Variants in CSMD3 observed in about 807,000 individuals in gnomAD.
CSMD3 encodes CUB and sushi domain-containing protein 3.
In CSMD3, 177 loss-of-function variants were observed where a neutral mutation model predicts 435.2. The ratio of observed to expected loss-of-function variants is 0.41; its 90% CI spans 0.36 to 0.46. CSMD3 has a LOEUF of 0.46. CSMD3 is among the 20% of genes least tolerant of loss of function. The pLI, the probability that CSMD3 is intolerant of heterozygous loss-of-function variation, is 0.34. For missense variants in CSMD3, 4,265 were observed against 4,504.6 expected (o/e 0.95, Z 1.52); for synonymous variants, 1,656 against 1,520.5 (o/e 1.09, Z -2.07).
At chr8:112,420,549 T>C (rs1299591590) in intron 32 of CSMD3, among the ~76,000 whole-genome samples, 1 of 152,168 alleles carries the variant, frequency 6.6e-6, no homozygotes, top group Non-Finnish European at 1.5e-5. Flanking sequence ...ATTGATGTGT[T>C]GCTAATGTTA....
At chr8:113,139,764 C>T (rs749226907) in intron 4 of CSMD3, among the ~76,000 whole-genome samples, 44 of 151,156 alleles carry the variant, frequency 2.9e-4, no homozygotes, top group Middle Eastern at 6.8e-3. Context: ...AAGAGATTGG[C>T]AAAGTTGATT....
chr8:112,499,014 G>C (rs1704038147), intron 30 of CSMD3, among the ~76,000 whole-genome samples: 1 of 152,138 alleles, frequency 6.6e-6, no homozygotes, highest in Non-Finnish European at 1.5e-5. Flanking sequence ...TGAATGAACA[G>C]ATAAAGGCTT....
intron 13 of CSMD3, among the ~76,000 whole-genome samples, chr8:112,762,015 A>C (rs569026755): frequency 6.6e-6 from 1 of 152,118 alleles, no homozygotes; most frequent in East Asian, 1.9e-4. Context: ...AAAAGTTGTT[A>C]TTATGAACCT....
intron 1 of CSMD3, among the ~76,000 whole-genome samples, chr8:113,406,597 T>C (rs1425552789): frequency 1.3e-5 from 2 of 152,024 alleles, no homozygotes; most frequent in African/African-American, 2.4e-5. Context: ...ATTTCATATG[T>C]GTGTATGTGC....
At chr8:113,313,223 C>T (rs1399160740) in intron 2 of CSMD3, 1 of 152,198 alleles carries the variant, frequency 6.6e-6, no homozygotes, top group African/African-American at 2.4e-5. Flanking sequence ...ACAAACCTAA[C>T]ATCCTAATGT....
At chr8:112,695,023 T>A (rs2076221866) in intron 13 of CSMD3, among the ~76,000 whole-genome samples, 2 of 151,822 alleles carry the variant, frequency 1.3e-5, no homozygotes, top group Non-Finnish European at 2.9e-5. Context: ...GCACAAGGGG[T>A]CAGGGATTTT....
At position 113,187,187 on chromosome 8, in the gene CSMD3, G is replaced by A. The variant is rs888903442; in HGVS notation, c.515-13271C>T. Among the ~76,000 whole-genome samples the A allele has an allele frequency of 2.0e-5, 3 of 149,298 alleles. No individual in the cohort carries two copies. The South Asian group carries it at 6.3e-4, about 31-fold the overall frequency. On this transcript the variant is annotated intron_variant, in intron 3 of 70. Transcript: ENST00000297405. ...TCTTCTTCTTTTCCTTTTTCACCCAGTAAATTCCATTCCCCTCACCTTTCA... is the reference window on the plus strand; with the variant it reads ...TCTTCTTCTTTTCCTTTTTCACCCAATAAATTCCATTCCCCTCACCTTTCA...
At position 112,545,390 on chromosome 8, in the gene CSMD3, GGAGAATTGCTT is replaced by G. The variant is rs1334714194; in HGVS notation, c.4564+5270_4564+5280del. On this transcript the variant is annotated intron_variant, in intron 27 of 70. Coordinates refer to ENST00000297405, the MANE Select transcript of CSMD3 (RefSeq NM_198123.2). ...CCCAGCTATTCGGGAGGCTGAGGCAGGAGAATTGCTTGAGCCCGGGAGGTGTAGGTTGCAGT... is the reference window on the plus strand; with the variant it reads ...CCCAGCTATTCGGGAGGCTGAGGCAGGAGCCCGGGAGGTGTAGGTTGCAGT... Among the ~76,000 whole-genome samples the G allele has an allele frequency of 4.7e-5, 7 of 147,632 alleles. No individual in the cohort carries two copies. In the Admixed American group the frequency reaches 4.8e-4, roughly 10 times the overall value.
At chr8:113,169,085 G>GT (rs2092218835) in intron 4 of CSMD3, among the ~76,000 whole-genome samples, 1 of 152,140 alleles carries the variant, frequency 6.6e-6, no homozygotes, top group African/African-American at 2.4e-5. Flanking sequence ...CCAATTCCAT[G>GT]TTTTGGTATT....
chr8:112,976,667 A>G (rs896574258), intron 6 of CSMD3, among the ~76,000 whole-genome samples: 2 of 152,278 alleles, frequency 1.3e-5, no homozygotes, highest in Admixed American at 6.6e-5. Flanking sequence ...ATGAAAAAAA[A>G]GGGGCACTAA....
At position 112,412,043 on chromosome 8, in the gene CSMD3, CTGAT is replaced by C. The variant is rs779582947; in HGVS notation, c.5396-3015_5396-3012del. Among the ~76,000 whole-genome samples the C allele has an allele frequency of 4.6e-5, 7 of 151,984 alleles. No individual in the cohort carries two copies. The East Asian group carries it at 7.7e-4, about 17-fold the overall frequency. On this transcript the variant is annotated intron_variant, in intron 32 of 70. Transcript: ENST00000297405. ...TGTTTGTAAATTCATTTTAACATTC[CTGAT>C]TATCTATCTTATCTACAGATCTATC...
chr8:112,367,784 C>T (rs1033172791), intron 38 of CSMD3, among the ~76,000 whole-genome samples: 1 of 152,040 alleles, frequency 6.6e-6, no homozygotes, highest in Non-Finnish European at 1.5e-5. Flanking sequence ...TCTAAAAATC[C>T]AAGTCCTTCA....
At chr8:112,580,567 G>A (rs1025681634) in intron 23 of CSMD3, among the ~76,000 whole-genome samples, 2 of 151,286 alleles carry the variant, frequency 1.3e-5, no homozygotes, top group African/African-American at 4.9e-5. Context: ...ACTGGGGGTT[G>A]GTCAGGCAAT....
chr8:112,798,550 G>T (rs1372856037), intron 13 of CSMD3, among the ~76,000 whole-genome samples: 4 of 151,728 alleles, frequency 2.6e-5, no homozygotes, highest in Admixed American at 2.6e-4. Flanking sequence ...TCTGTGAATT[G>T]TTTAATTACT....
intron 4 of CSMD3, among the ~76,000 whole-genome samples, chr8:113,117,528 C>G (rs1404108689): frequency 6.6e-6 from 1 of 152,186 alleles, no homozygotes; most frequent in Admixed American, 6.5e-5. Flanking sequence ...TTTGAGTCAC[C>G]ACACAGAGTA....
chr8:112,552,751 A>G (rs1324673927), intron 25 of CSMD3, 31 bp from the exon 26 acceptor site: 6 of 1,599,434 alleles, frequency 3.8e-6, no homozygotes, highest in African/African-American at 2.7e-5. Context: ...TTTAAGCCAC[A>G]ATTTAATGCC....
intron 35 of CSMD3, among the ~76,000 whole-genome samples, chr8:112,403,280 T>C (rs1456526084): frequency 6.6e-6 from 1 of 152,208 alleles, no homozygotes; most frequent in African/African-American, 2.4e-5. Context: ...TAACCCTTAC[T>C]ATGCTCTGCC....
chr8:113,049,941 C>T (rs2088015303), intron 5 of CSMD3, among the ~76,000 whole-genome samples: 1 of 152,026 alleles, frequency 6.6e-6, no homozygotes, highest in African/African-American at 2.4e-5. Context: ...AACATTACAG[C>T]ACATCTCATC....
chr8:112,592,157 T>G (rs1831248107), intron 22 of CSMD3, among the ~76,000 whole-genome samples: 1 of 151,990 alleles, frequency 6.6e-6, no homozygotes, highest in Non-Finnish European at 1.5e-5. Context: ...CTTCAGAAAT[T>G]TTTAGTCAAA....
Sources: allele counts gnomAD v4.1 joint callset (sites outside exome capture counted in the v4.1 genomes callset), GRCh38; gene constraint gnomAD v4.1.1; transcripts MANE v1.5; gene names NCBI Gene and HGNC (gene_info 2026-07-23, HGNC 2026-07-21).